The following NPAS3 variants were observed in gnomAD, a reference collection of about 807,000 sequenced individuals.
The protein encoded by NPAS3 is neuronal PAS domain protein 3.
NPAS3 carries 14 observed loss-of-function variants against 73.1 expected under a neutral mutation model. That is an observed-to-expected ratio of 0.19 (90% CI 0.13 to 0.30). The LOEUF (loss-of-function observed/expected upper bound fraction) is 0.30, where lower values mean the gene tolerates loss of function less well. Ranked by LOEUF, NPAS3 falls within the 10% of genes least tolerant of loss-of-function variation. The probability of loss-of-function intolerance (pLI) is 1.00; values close to 1 mark genes in which losing one functional copy is unlikely to be tolerated. For missense variants in NPAS3, 1,096 were observed against 1,250.0 expected (o/e 0.88, Z 1.86); for synonymous variants, 620 against 541.5 (o/e 1.14, Z -2.01).
chr14:33,227,860 C>T (rs758048982), intron 3 of NPAS3, among the ~76,000 whole-genome samples: 11 of 152,184 alleles, frequency 7.2e-5, no homozygotes, highest in Non-Finnish European at 1.5e-4. Context: ...GAAAATTAAT[C>T]ATCCCGGTCA....
intron 3 of NPAS3, among the ~76,000 whole-genome samples, chr14:33,302,671 G>A (rs1045377638): frequency 3.3e-5 from 5 of 152,148 alleles, no homozygotes; most frequent in Non-Finnish European, 7.4e-5. Context: ...CAGAGCGATG[G>A]CTTTATTCCC....
intron 6 of NPAS3, among the ~76,000 whole-genome samples, chr14:33,688,862 T>C (rs1395846073): frequency 6.6e-6 from 1 of 152,234 alleles, no homozygotes; most frequent in Non-Finnish European, 1.5e-5. Flanking sequence ...TGCAAAGATA[T>C]GATTACGGCT....
intron 3 of NPAS3, among the ~76,000 whole-genome samples, chr14:33,224,993 CTGA>C (rs150366426): frequency 1.5e-3 from 221 of 152,222 alleles, no homozygotes; most frequent in African/African-American, 5.2e-3. Flanking sequence ...AGAATTCACT[CTGA>C]TGATAGAAAC....
intron 2 of NPAS3, among the ~76,000 whole-genome samples, chr14:33,181,469 C>A (rs2045798078): frequency 1.3e-5 from 2 of 151,980 alleles, no homozygotes; most frequent in African/African-American, 4.8e-5. Context: ...ACAATGAGTC[C>A]CTCCCATGTG....
chr14:33,029,569 C>G (rs1051636106), intron 1 of NPAS3, among the ~76,000 whole-genome samples: 1 of 152,086 alleles, frequency 6.6e-6, no homozygotes, highest in African/African-American at 2.4e-5. Context: ...TTATCACACT[C>G]TATAAAATAT....
intron 2 of NPAS3, among the ~76,000 whole-genome samples, chr14:33,155,821 G>T (rs766449578): frequency 2.6e-5 from 4 of 152,168 alleles, no homozygotes; most frequent in Non-Finnish European, 4.4e-5. Flanking sequence ...TTTTGGGGAT[G>T]CCAGCAACAT....
intron 3 of NPAS3, among the ~76,000 whole-genome samples, chr14:33,313,336 T>A (rs1256593514): frequency 6.6e-6 from 1 of 152,102 alleles, no homozygotes; most frequent in East Asian, 1.9e-4. Flanking sequence ...TGAGAGTTAA[T>A]GCTGTATCCC....
In NPAS3 at chr14:33,116,226, A is replaced by G. The variant is rs555736107; in HGVS notation, c.140+60232A>G. Reference sequence around the variant, plus strand: ...ATTTTACTGAACTAGCTCCCTACATAATTAGCTGATAATTTAGAAGTTAAA... The same window carrying G: ...ATTTTACTGAACTAGCTCCCTACATGATTAGCTGATAATTTAGAAGTTAAA... On this transcript the variant is annotated intron_variant, in intron 2 of 11. Transcript: ENST00000356141. Among the ~76,000 whole-genome samples the G allele has an allele frequency of 2.0e-5, 3 of 152,202 alleles. No individual in the cohort carries two copies. In the East Asian group the frequency reaches 5.8e-4, roughly 30 times the overall value.
chr14:33,123,817 A>G (rs2043322749), intron 2 of NPAS3, among the ~76,000 whole-genome samples: 1 of 151,072 alleles, frequency 6.6e-6, no homozygotes, highest in Admixed American at 6.6e-5. Context: ...GTTGAATTCC[A>G]TAGGCTGGCA....
intron 4 of NPAS3, among the ~76,000 whole-genome samples, chr14:33,473,380 A>G (rs2050875508): frequency 6.6e-6 from 1 of 152,220 alleles, no homozygotes. Context: ...ATGCTGGAGG[A>G]AAGAAGTTGA....
intron 3 of NPAS3, among the ~76,000 whole-genome samples, chr14:33,346,115 C>G (rs1174354068): frequency 6.6e-6 from 1 of 151,644 alleles, no homozygotes; most frequent in Non-Finnish European, 1.5e-5. Flanking sequence ...GCCTGTAATC[C>G]CAGCTGAGGG....
chr14:33,057,887 G>T (rs2040946090), intron 2 of NPAS3, among the ~76,000 whole-genome samples: 1 of 152,148 alleles, frequency 6.6e-6, no homozygotes, highest in South Asian at 2.1e-4. Flanking sequence ...GAATTGTCTT[G>T]AAACTATAGT....
intron 4 of NPAS3, among the ~76,000 whole-genome samples, chr14:33,475,136 T>C (rs1292217113): frequency 4.6e-5 from 7 of 152,096 alleles, no homozygotes; most frequent in Admixed American, 4.6e-4. Flanking sequence ...TCAGGACATA[T>C]CGAGTCATCA....
chr14:33,090,758 C>A (rs1003237126), intron 2 of NPAS3, among the ~76,000 whole-genome samples: 1 of 152,184 alleles, frequency 6.6e-6, no homozygotes, highest in Non-Finnish European at 1.5e-5. Context: ...GTAAAGCACT[C>A]CTTAGCAAAT....
At chr14:33,037,955 G>T (rs2040225164) in intron 1 of NPAS3, among the ~76,000 whole-genome samples, 1 of 152,144 alleles carries the variant, frequency 6.6e-6, no homozygotes, top group African/African-American at 2.4e-5. Context: ...AGAGGCATCG[G>T]GTCTATAGAA....
chr14:33,478,315 A>T (rs1223163128), intron 4 of NPAS3, among the ~76,000 whole-genome samples: 1 of 152,198 alleles, frequency 6.6e-6, no homozygotes, highest in Non-Finnish European at 1.5e-5. Flanking sequence ...TAAAGCATCA[A>T]AAGTTACACT....
At chr14:33,283,181 T>C (rs187541506) in intron 3 of NPAS3, among the ~76,000 whole-genome samples, 2 of 152,294 alleles carry the variant, frequency 1.3e-5, no homozygotes, top group East Asian at 3.9e-4. Context: ...TTACATGTGA[T>C]TAAATAGAGA....
At chr14:33,531,781 C>T (rs2054055249) in intron 4 of NPAS3, among the ~76,000 whole-genome samples, 1 of 152,070 alleles carries the variant, frequency 6.6e-6, no homozygotes, top group African/African-American at 2.4e-5. Flanking sequence ...AGGGGCTGTA[C>T]CATTTTGCGT....
At chr14:33,352,739 T>A (rs747279181) in intron 3 of NPAS3, among the ~76,000 whole-genome samples, 1 of 152,160 alleles carries the variant, frequency 6.6e-6, no homozygotes, top group Admixed American at 6.5e-5. Flanking sequence ...GCTAGACATA[T>A]GCTGATACTA....
Sources: gnomAD v4.1 joint callset for allele counts (sites outside exome capture counted in the v4.1 genomes callset) on GRCh38, gnomAD v4.1.1 for gene constraint, MANE v1.5 for transcripts, NCBI Gene and HGNC (gene_info 2026-07-23, HGNC 2026-07-21) for gene names.